Variants in PIP5K1C observed in about 807,000 individuals in gnomAD.
PIP5K1C encodes the protein phosphatidylinositol 4-phosphate 5-kinase type-1 gamma.
PIP5K1C carries 45 observed loss-of-function variants against 80.1 expected under a neutral mutation model. The ratio of observed to expected loss-of-function variants is 0.56; its 90% confidence interval spans 0.44 to 0.72. The LOEUF is 0.72. PIP5K1C is among the 30% of genes least tolerant of loss of function. The pLI, the probability that PIP5K1C is intolerant of heterozygous loss-of-function variation, is 0.00. For synonymous variants in PIP5K1C, 498 were observed against 420.1 expected (o/e 1.19, Z -2.27); for missense variants, 753 against 954.6 (o/e 0.79, Z 2.78).
intron 6 of PIP5K1C, among the ~76,000 whole-genome samples, chr19:3,655,830 A>G (rs2034603027): frequency 6.6e-6 from 1 of 152,144 alleles, no homozygotes; most frequent in African/African-American, 2.4e-5. Flanking sequence ...CGAGTACCGG[A>G]ATCCCAGGCC....
At chr19:3,633,550 G>T in intron 16 of PIP5K1C, 30 bp from the exon 17 acceptor site, 1 of 1,445,994 alleles carries the variant, frequency 6.9e-7, no homozygotes, top group Non-Finnish European at 9.2e-7. Context: ...GCAGGAGGGC[G>T]CGGAAGAGCA....
intron 11 of PIP5K1C, among the ~76,000 whole-genome samples, chr19:3,644,995 G>A (rs2034151072): frequency 6.6e-6 from 1 of 152,258 alleles, no homozygotes; most frequent in South Asian, 2.1e-4. Flanking sequence ...CAGAGAGTGG[G>A]GTGTGGGGAC....
Position 3,692,311 on chromosome 19 carries a change from C to T in PIP5K1C, c.94+7986G>A, listed in dbSNP as rs1268161075. Among the ~76,000 whole-genome samples, 1 of 152,140 alleles carries T rather than the reference C, an allele frequency of 6.6e-6. No individual in the cohort carries two copies. Among genetic ancestry groups the T allele is most frequent in the Non-Finnish European group, 1.5e-5 (1 of 68,008 alleles). ...GGGTCCCGACGGCCCCACCCAGTCC[C>T]ACTGCCGGCTCCCACCACGGCCCCC... On this transcript the variant is annotated intron_variant, in intron 1 of 17. Transcript: ENST00000335312. The surrounding 1 kb of genome is among the most constrained non-coding windows in gnomAD (Gnocchi z 5.2).
Position 3,648,039 on chromosome 19 carries a change from T to G in PIP5K1C, c.1211+586A>C, listed in dbSNP as rs568244612. Among the ~76,000 whole-genome samples the G allele has an allele frequency of 1.2e-4, 19 of 152,228 alleles. No homozygotes were observed. The South Asian group carries it at 1.9e-3, about 15-fold the overall frequency. Reference sequence around the variant, plus strand: ...TTGGATTTTCTTTTTTCTTTTTTTTTGGGACAGGGTCTTGCTCTGTCACCC... The same window carrying G: ...TTGGATTTTCTTTTTTCTTTTTTTTGGGGACAGGGTCTTGCTCTGTCACCC... On this transcript the variant is annotated intron_variant, in intron 9 of 17. Transcript: ENST00000335312. The surrounding 1 kb of genome is among the most constrained non-coding windows in gnomAD (Gnocchi z 4.3).
chr19:3,661,811 C>G lies in PIP5K1C; in HGVS notation c.350+60G>C. On this transcript the variant is annotated intron_variant, in intron 4 of 17. Transcript: ENST00000335312. The stretch of plus-strand genomic sequence containing the variant: ...AGAGAAGGGCGCTCAGGACAGGCCA[C>G]TCCGCCTCAGAGCCACGTGTGTGCT... The G allele has an allele frequency of 3.1e-6, 5 of 1,600,188 alleles. 1 individual carries two copies. In the South Asian group the frequency reaches 5.5e-5, roughly 18 times the overall value.
At chr19:3,695,265 G>A (rs1002192591) in intron 1 of PIP5K1C, among the ~76,000 whole-genome samples, 2 of 152,168 alleles carry the variant, frequency 1.3e-5, no homozygotes, top group African/African-American at 2.4e-5. Context: ...TTCACGAGCC[G>A]ACTCCCATGG....
At position 3,632,888 on chromosome 19, in the gene PIP5K1C, A is replaced by G. The variant is rs550591770; in HGVS notation, c.*279T>C. The G allele has an allele frequency of 3.2e-4, 158 of 496,800 alleles. 3 individuals are homozygous for G. The East Asian group carries it at 5.0e-3, about 16-fold the overall frequency. The allele number at this position is 496,800 out of a possible 1,614,324, so 30.8% of individuals were successfully genotyped here. ...TTGTTCTTTTCCTAAAACGGCACACACGTGCTTCCGTCTCTGTGCCAAATA... is the reference window on the plus strand; with the variant it reads ...TTGTTCTTTTCCTAAAACGGCACACGCGTGCTTCCGTCTCTGTGCCAAATA... On this transcript the variant is annotated 3_prime_UTR_variant, in exon 18 of 18. Coordinates refer to ENST00000335312, the MANE Select transcript of PIP5K1C (RefSeq NM_012398.3).
At chr19:3,686,750 T>C (rs1348425053) in intron 1 of PIP5K1C, among the ~76,000 whole-genome samples, 1 of 150,934 alleles carries the variant, frequency 6.6e-6, no homozygotes, top group Non-Finnish European at 1.5e-5. Flanking sequence ...TAAAATAAAA[T>C]AAAATAAAAT....
At chr19:3,663,166 G>A (rs1404330467) in intron 3 of PIP5K1C, among the ~76,000 whole-genome samples, 2 of 151,942 alleles carry the variant, frequency 1.3e-5, no homozygotes, top group Admixed American at 6.5e-5. Context: ...GCGCCCGGCC[G>A]GCTGCTGTTA....
At position 3,637,723 on chromosome 19, in the gene PIP5K1C, C is replaced by G. The variant is rs532039471; in HGVS notation, c.1920+1161G>C. On this transcript the variant is annotated intron_variant, in intron 16 of 17. Transcript: ENST00000335312. The surrounding 1 kb of genome is among the most constrained non-coding windows in gnomAD (Gnocchi z 7.0). ...AGAGGCGGAGGGAGGTGGCGGGGAG[C>G]AGGTGGGGACAGCTGACTGCCAAGC... 446 of 1,514,794 alleles carry G rather than the reference C, an allele frequency of 2.9e-4. No individual in the cohort carries two copies. The African/African-American group carries it at 5.6e-3, about 19-fold the overall frequency. The allele number at this position is 1,514,794 out of a possible 1,614,324, so 93.8% of individuals were successfully genotyped here. A position where few individuals can be genotyped will look rare whatever the true frequency, so the allele number is the denominator to read the frequency against.
At chr19:3,644,462 G>A (rs535524360) in intron 11 of PIP5K1C, among the ~76,000 whole-genome samples, 2 of 152,240 alleles carry the variant, frequency 1.3e-5, no homozygotes, top group Non-Finnish European at 2.9e-5. Context: ...CTGCCCACCC[G>A]ACTGTCTCTA....
At chr19:3,645,836 G>A in intron 11 of PIP5K1C, 138 bp downstream of exon 11, 1 of 768,534 alleles carries the variant, frequency 1.3e-6, no homozygotes. Context: ...ATGAGGCCCG[G>A]TCTGAGGGGG....
At position 3,696,731 on chromosome 19, in the gene PIP5K1C, C is replaced by T. The variant is rs565319777; in HGVS notation, c.94+3566G>A. Reference sequence around the variant, plus strand: ...ACGGGAGGGCAGGGAGGGCAGAGTGCGGAGGGGAGGGCAGGGAGGGCAGGG... The same window carrying T: ...ACGGGAGGGCAGGGAGGGCAGAGTGTGGAGGGGAGGGCAGGGAGGGCAGGG... On this transcript the variant is annotated intron_variant, in intron 1 of 17. Coordinates refer to ENST00000335312, the MANE Select transcript of PIP5K1C (RefSeq NM_012398.3). This position sits in a 1 kb window ranked among gnomAD's most constrained non-coding sequence, Gnocchi z 4.1. Among the ~76,000 whole-genome samples, 659 of 9,506 alleles carry T rather than the reference C, an allele frequency of 0.069. 6 individuals carry two copies. The highest frequency in any genetic ancestry group is 0.064 in the Non-Finnish European group (343 of 5,370). The allele number at this position is 9,506 out of a possible 152,430, so 6.2% of individuals were successfully genotyped here. A position where few individuals can be genotyped will look rare whatever the true frequency, so the allele number is the denominator to read the frequency against.
rs1261999681 is a variant in PIP5K1C, at chr19:3,696,621, C to A, written c.94+3676G>T. On this transcript the variant is annotated intron_variant, in intron 1 of 17. Transcript: ENST00000335312. This position sits in a 1 kb window ranked among gnomAD's most constrained non-coding sequence, Gnocchi z 4.1. ...GGCATTCCGGGGTGGGGGTGGGGGGCAGCCGTGCAAAGGCCCCGGGGCAGG... is the reference window on the plus strand; with the variant it reads ...GGCATTCCGGGGTGGGGGTGGGGGGAAGCCGTGCAAAGGCCCCGGGGCAGG... Among the ~76,000 whole-genome samples the A allele has an allele frequency of 4.7e-5, 7 of 148,844 alleles. No individual in the cohort carries two copies. Among genetic ancestry groups the A allele is most frequent in the Non-Finnish European group, 1.0e-4 (7 of 67,436 alleles).
intron 13 of PIP5K1C, 22 bp from the exon 14 acceptor site, chr19:3,642,961 G>C: frequency 6.2e-7 from 1 of 1,613,218 alleles, no homozygotes. Flanking sequence ...CAGCAAACAC[G>C]TGACACCCAG....
rs929351054 is a variant in PIP5K1C, at chr19:3,700,434, G to A, written c.-44C>T. 3 of 1,001,960 alleles carry A rather than the reference G, an allele frequency of 3.0e-6. No homozygotes were observed. Among genetic ancestry groups the A allele is most frequent in the African/African-American group, 3.5e-5 (2 of 57,010 alleles). 62.1% of individuals were successfully genotyped at this position (1,001,960 alleles called of 1,614,324 possible). A position where few individuals can be genotyped will look rare whatever the true frequency, so the allele number is the denominator to read the frequency against. On this transcript the variant is annotated 5_prime_UTR_variant, in exon 1 of 18. Transcript: ENST00000335312. ...GCGGGGGCGCCCGAGGGGGACCCGAGCTGCGACCGCCGCCGCCGAACAACA... is the reference window on the plus strand; with the variant it reads ...GCGGGGGCGCCCGAGGGGGACCCGAACTGCGACCGCCGCCGCCGAACAACA...
rs2035976521 is a variant in PIP5K1C, at chr19:3,692,400, C to T, written c.94+7897G>A. Among the ~76,000 whole-genome samples, 1 of 152,178 alleles carries T rather than the reference C, an allele frequency of 6.6e-6. No individual in the cohort carries two copies. Among genetic ancestry groups the T allele is most frequent in the Non-Finnish European group, 1.5e-5 (1 of 68,014 alleles). On this transcript the variant is annotated intron_variant, in intron 1 of 17. Coordinates refer to ENST00000335312, the MANE Select transcript of PIP5K1C (RefSeq NM_012398.3). The surrounding 1 kb of genome is among the most constrained non-coding windows in gnomAD (Gnocchi z 5.2). The stretch of plus-strand genomic sequence containing the variant: ...CTCGGCCATGCTGGGCCCCGGCGGC[C>T]CCCATGCTGCCCTTCCTGCATCCAT...
chr19:3,687,594 C>G (rs2035803008), intron 1 of PIP5K1C, among the ~76,000 whole-genome samples: 1 of 151,570 alleles, frequency 6.6e-6, no homozygotes, highest in Admixed American at 6.6e-5. Flanking sequence ...TGCAGATACA[C>G]ACATGCATAC....
In PIP5K1C at chr19:3,644,255, C is replaced by G. The variant is rs146145995; in HGVS notation, c.1346-4G>C. 4,473 of 1,611,396 alleles carry G rather than the reference C, an allele frequency of 2.8e-3. 122 individuals are homozygous for G. The East Asian group carries it at 0.05, about 18-fold the overall frequency. On this transcript the variant is annotated splice_polypyrimidine_tract_variant and splice_region_variant and intron_variant, in intron 11 of 17. Coordinates refer to ENST00000335312, the MANE Select transcript of PIP5K1C (RefSeq NM_012398.3). ...TTGGAGGGCGAGGACTTCAGGGCTGCAGGGAAGGGTGGGGGTTGGTGCTTG... is the reference window on the plus strand; with the variant it reads ...TTGGAGGGCGAGGACTTCAGGGCTGGAGGGAAGGGTGGGGGTTGGTGCTTG...
Sources: gnomAD v4.1 joint callset for allele counts (sites outside exome capture counted in the v4.1 genomes callset) on GRCh38, gnomAD v4.1.1 for gene constraint, Gnocchi (gnomAD v3.1) non-coding constraint, MANE v1.5 for transcripts, NCBI Gene and HGNC (gene_info 2026-07-23, HGNC 2026-07-21) for gene names.